Variants in NPSR1 observed in about 807,000 individuals in gnomAD.
The protein encoded by NPSR1 is neuropeptide S receptor.
NPSR1 carries 48 observed loss-of-function variants against 46.9 expected under a neutral mutation model. The ratio of observed to expected loss-of-function variants is 1.02; its 90% confidence interval spans 0.81 to 1.30. The LOEUF (loss-of-function observed/expected upper bound fraction) is 1.30. NPSR1 is among the 50% of genes most tolerant of loss of function. The pLI is 0.00. For synonymous variants in NPSR1, 176 were observed against 168.1 expected (o/e 1.05, Z -0.36); for missense variants, 450 against 449.5 (o/e 1.00, Z -0.01).
chr7:34,732,633 T>G (rs908074680), intron 2 of NPSR1, among the ~76,000 whole-genome samples: 2 of 152,198 alleles, frequency 1.3e-5, no homozygotes, highest in Non-Finnish European at 2.9e-5. Flanking sequence ...GCTTTTGGAC[T>G]GCCCTATTTG....
At chr7:34,705,393 C>T (rs1328560031) in intron 2 of NPSR1, among the ~76,000 whole-genome samples, 3 of 149,836 alleles carry the variant, frequency 2.0e-5, no homozygotes, top group African/African-American at 7.4e-5. Flanking sequence ...CGCCACTGCA[C>T]TCCTGCACTC....
chr7:34,827,688 C>A lies in NPSR1; in HGVS notation c.680+86C>A, dbSNP rs34683710. ...CTCCAGCTGTTGCTCTCCTCCCCAA[C>A]AGACCCATTTTTCCTAGTGCCCTTG... On this transcript the variant is annotated intron_variant, in intron 5 of 8. Transcript: ENST00000360581. 4.1e-3 allele frequency: 3,636 copies of A among 893,482 alleles called. 15 individuals are homozygous for A. Among genetic ancestry groups the A allele is most frequent in the Non-Finnish European group, 5.7e-3 (3,325 of 580,294 alleles). The allele number at this position is 893,482 out of a possible 1,614,324, so 55.3% of individuals were successfully genotyped here.
intron 3 of NPSR1, among the ~76,000 whole-genome samples, chr7:34,781,884 C>T (rs888862798): frequency 6.6e-6 from 1 of 152,310 alleles, no homozygotes; most frequent in East Asian, 1.9e-4. Context: ...CTGCATGTGT[C>T]CACACTCCAG....
At chr7:34,804,371 T>A (rs180738265) in intron 3 of NPSR1, among the ~76,000 whole-genome samples, 19 of 152,204 alleles carry the variant, frequency 1.2e-4, no homozygotes, top group African/African-American at 4.3e-4. Context: ...GGTTAAATAT[T>A]TAAAAATCAA....
In NPSR1 at chr7:34,658,412, C is replaced by T. The variant is rs750281391; in HGVS notation, c.-1C>T. 1.5e-5 allele frequency: 25 copies of T among 1,613,806 alleles called. No individual in the cohort carries two copies. In the Middle Eastern group the frequency reaches 3.6e-3, roughly 233 times the overall value. ...CAGTGAGGCTCAACCCCGCCTGAGC[C>T]ATGCCAGCCAACTTCACAGAGGGCA... On this transcript the variant is annotated 5_prime_UTR_variant, in exon 1 of 9. Transcript: ENST00000360581.
In NPSR1 at chr7:34,803,017, C is replaced by A. The variant is rs985640030; in HGVS notation, c.385-8753C>A. Among the ~76,000 whole-genome samples, 143 of 150,008 alleles carry A rather than the reference C, an allele frequency of 9.5e-4. 8 individuals carry two copies. Among genetic ancestry groups the A allele is most frequent in the African/African-American group, 2.4e-3 (93 of 39,538 alleles). On this transcript the variant is annotated intron_variant, in intron 3 of 8. Coordinates refer to ENST00000360581, the MANE Select transcript of NPSR1 (RefSeq NM_207172.2). ...AAATGCAAATCAAAACCACAATGAGCTACCATCTCACACCAGTTAGAATGG... is the reference window on the plus strand; with the variant it reads ...AAATGCAAATCAAAACCACAATGAGATACCATCTCACACCAGTTAGAATGG...
At chr7:34,876,177 C>A (rs1791569643) in intron 8 of NPSR1, among the ~76,000 whole-genome samples, 1 of 152,092 alleles carries the variant, frequency 6.6e-6, no homozygotes, top group South Asian at 2.1e-4. Flanking sequence ...TGTTGTACTG[C>A]AGCTTGGAAG....
At chr7:34,750,903 G>A (rs1417054173) in intron 2 of NPSR1, 1 of 725,224 alleles carries the variant, frequency 1.4e-6, no homozygotes. Context: ...GGTGTGAAAA[G>A]GCACTTCCTC....
At chr7:34,825,668 C>T (rs1489132488) in intron 4 of NPSR1, among the ~76,000 whole-genome samples, 1 of 152,144 alleles carries the variant, frequency 6.6e-6, no homozygotes, top group Non-Finnish European at 1.5e-5. Context: ...CAGCAAGACC[C>T]CACAGGATAA....
intron 2 of NPSR1, chr7:34,711,130 C>A: frequency 3.4e-6 from 1 of 297,592 alleles, no homozygotes; most frequent in South Asian, 4.0e-5. Context: ...TTGTTAAGCT[C>A]AACAAGCTTA....
At chr7:34,680,940 G>GT (rs11350158) in intron 1 of NPSR1, among the ~76,000 whole-genome samples, 255 of 144,412 alleles carry the variant, frequency 1.8e-3, no homozygotes, top group Admixed American at 3.3e-3. Context: ...GTTGATAAAG[G>GT]TTTTTTTTTT....
At chr7:34,778,666 C>A in intron 3 of NPSR1, 101 bp downstream of exon 3, 1 of 690,730 alleles carries the variant, frequency 1.4e-6, no homozygotes, top group South Asian at 1.9e-5. Context: ...TCCTATGCAT[C>A]AAACTGCCCG....
chr7:34,678,135 T>C (rs922591704), intron 1 of NPSR1, among the ~76,000 whole-genome samples: 2 of 134,692 alleles, frequency 1.5e-5, no homozygotes, highest in African/African-American at 3.3e-5. Flanking sequence ...AATACAGTTC[T>C]GGACAAGTGC....
At chr7:34,852,321 AAGAG>A (rs1008006628), downstream of NPSR1, among the ~76,000 whole-genome samples, 1 of 151,294 alleles carries the variant, frequency 6.6e-6, no homozygotes, top group Non-Finnish European at 1.5e-5. Flanking sequence ...GAAAGAGAGA[AAGAG>A]AGAGAGAGAG....
At position 34,761,520 on chromosome 7, in the gene NPSR1, G is replaced by A. The variant is rs1032660470; in HGVS notation, c.281-16942G>A. The stretch of plus-strand genomic sequence containing the variant: ...CTGCCTCATTTCCCTATGTACAAGC[G>A]TGTACCTGATTGCAGCAGAATGAGA... On this transcript the variant is annotated intron_variant, in intron 2 of 8. Transcript: ENST00000360581. Among the ~76,000 whole-genome samples, 8 of 152,144 alleles carry A rather than the reference G, an allele frequency of 5.3e-5. No individual in the cohort carries two copies. The East Asian group carries it at 5.8e-4, about 11-fold the overall frequency.
intron 2 of NPSR1, among the ~76,000 whole-genome samples, chr7:34,713,730 T>C (rs535790178): frequency 1.3e-5 from 2 of 152,168 alleles, no homozygotes; most frequent in African/African-American, 4.8e-5. Flanking sequence ...AAGCTCTGCA[T>C]AGTCCGTGAC....
At chr7:34,846,708 G>T (rs573581385) in intron 7 of NPSR1, among the ~76,000 whole-genome samples, 12 of 151,828 alleles carry the variant, frequency 7.9e-5, no homozygotes, top group Non-Finnish European at 1.5e-5. Context: ...TTTCTCAGCC[G>T]GCAAAAAGAA....
At position 34,791,411 on chromosome 7, in the gene NPSR1, T is replaced by C. The variant is rs1787873834; in HGVS notation, c.384+12846T>C. 2.0e-5 allele frequency among the ~76,000 whole-genome samples: 3 copies of C among 148,468 alleles called. No individual in the cohort carries two copies. In the South Asian group the frequency reaches 6.3e-4, roughly 31 times the overall value. ...ATCAACATGCAAAGTCAGTAATGTT[T>C]CTATACACTAACAATGAACTATCCA... On this transcript the variant is annotated intron_variant, in intron 3 of 8. Transcript: ENST00000360581.
chr7:34,814,512 C>T (rs989687393), intron 4 of NPSR1, among the ~76,000 whole-genome samples: 1 of 152,220 alleles, frequency 6.6e-6, no homozygotes, highest in Non-Finnish European at 1.5e-5. Flanking sequence ...CTTAAACGTC[C>T]CTGTTCGACA....
Sources: allele counts gnomAD v4.1 joint callset (sites outside exome capture counted in the v4.1 genomes callset), GRCh38; gene constraint gnomAD v4.1.1; transcripts MANE v1.5; gene names NCBI Gene and HGNC (gene_info 2026-07-23, HGNC 2026-07-21).